MICOS13: variants seen among roughly 807,000 people sequenced by gnomAD.
MICOS13 encodes the protein mitochondrial contact site and cristae organizing system subunit 13.
In MICOS13, 15 loss-of-function variants were observed where a neutral mutation model predicts 16.1. The observed-to-expected ratio is 0.93, with a 90% CI of 0.62 to 1.44. The LOEUF (loss-of-function observed/expected upper bound fraction) is 1.44, where lower values mean the gene tolerates loss of function less well. Ranked by LOEUF, MICOS13 falls within the 40% of genes most tolerant of loss-of-function variation. The pLI is 0.00. For synonymous variants in MICOS13, 61 were observed against 62.6 expected (o/e 0.97, Z 0.12); for missense variants, 164 against 155.0 (o/e 1.06, Z -0.31).
Position 5,678,429 on chromosome 19 carries a change from G to T in MICOS13, c.*122C>A. The stretch of plus-strand genomic sequence containing the variant: ...AGCACACGGGTCAGGGAACACTTCT[G>T]AAGTCCTTTATTGGGCCGGCAAGGC... On this transcript the variant is annotated 3_prime_UTR_variant, in exon 4 of 4. Transcript: ENST00000309324. 1 of 953,012 alleles carries T rather than the reference G, an allele frequency of 1.0e-6. No individual in the cohort carries two copies. The highest frequency in any genetic ancestry group is 1.6e-6 in the Non-Finnish European group (1 of 634,954). 59.0% of individuals were successfully genotyped at this position (953,012 alleles called of 1,614,324 possible). A position where few individuals can be genotyped will look rare whatever the true frequency, so the allele number is the denominator to read the frequency against.
At chr19:5,678,694 A>G (rs2054475998) in intron 3 of MICOS13, 46 bp from the exon 4 acceptor site, 1 of 1,086,518 alleles carries the variant, frequency 9.2e-7, no homozygotes, top group East Asian at 8.9e-5. Context: ...TCCCAGCCTC[A>G]CCCAGCCTCC....
At chr19:5,678,746 GT>G in intron 3 of MICOS13, 98 bp from the exon 4 acceptor site, 4 of 628,020 alleles carry the variant, frequency 6.4e-6, no homozygotes, top group East Asian at 3.9e-5. Context: ...GCGGTGGGGG[GT>G]GGGTGGGGGG....
At chr19:5,680,402 G>A (rs771559676) in intron 1 of MICOS13, 56 bp downstream of exon 1, 3 of 1,609,826 alleles carry the variant, frequency 1.9e-6, no homozygotes, top group Non-Finnish European at 2.5e-6. Flanking sequence ...AGACAGGGAT[G>A]CCCACAAAAA....
Position 5,680,494 on chromosome 19 carries a change from C to T in MICOS13, c.-8G>A. The T allele has an allele frequency of 1.2e-6, 2 of 1,604,854 alleles. No homozygotes were observed. Among genetic ancestry groups the T allele is most frequent in the Non-Finnish European group, 1.7e-6 (2 of 1,177,902 alleles). On this transcript the variant is annotated 5_prime_UTR_variant, in exon 1 of 4. Transcript: ENST00000309324. ...CCACACCCGGGCCACCATGGTCGCTCGGATCCACGCGCAAGGACACTCGGC... is the reference window on the plus strand; with the variant it reads ...CCACACCCGGGCCACCATGGTCGCTTGGATCCACGCGCAAGGACACTCGGC...
chr19:5,678,524 CCGGGGCAGGCGGCCCCTGCTGACT>C lies in MICOS13; in HGVS notation c.*3_*26del, dbSNP rs1810894078. 6.5e-7 allele frequency: 1 copy of C among 1,536,634 alleles called. No individual in the cohort carries two copies. The highest frequency in any genetic ancestry group is 1.4e-5 in the African/African-American group (1 of 72,724). On this transcript the variant is annotated 3_prime_UTR_variant, in exon 4 of 4. Coordinates refer to ENST00000309324, the MANE Select transcript of MICOS13 (RefSeq NM_205767.3). ...TCAGTGGCAGCCCTGCCCGTTCTGG[CCGGGGCAGGCGGCCCCTGCTGACT>C]CGCTACTTGGTGCGCGCCTTCACAT...
In MICOS13 at chr19:5,679,780, G is replaced by T. The variant is rs761527837; in HGVS notation, c.30-17C>A. On this transcript the variant is annotated splice_polypyrimidine_tract_variant and intron_variant, in intron 1 of 3. Transcript: ENST00000309324. ...ATGAGGAACCTGCGGGCAGGGACGGGAGGAGCAGAAGCTCAGCGGACACTG... is the reference window on the plus strand; with the variant it reads ...ATGAGGAACCTGCGGGCAGGGACGGTAGGAGCAGAAGCTCAGCGGACACTG... 2.5e-6 allele frequency: 4 copies of T among 1,580,376 alleles called. No individual in the cohort carries two copies. Among genetic ancestry groups the T allele is most frequent in the Non-Finnish European group, 3.4e-6 (4 of 1,166,892 alleles).
At position 5,678,651 on chromosome 19, in the gene MICOS13, G is replaced by T; in HGVS notation, c.260-3C>A. ...AGCTGACATCACCGTCATGATGCCT[G>T]TGGGAAAGGGACGGCCACTGGTGAT... On this transcript the variant is annotated splice_region_variant and splice_polypyrimidine_tract_variant and intron_variant, in intron 3 of 3. Transcript: ENST00000309324. 6.6e-7 allele frequency: 1 copy of T among 1,525,524 alleles called. No individual in the cohort carries two copies. Among genetic ancestry groups the T allele is most frequent in the East Asian group, 2.6e-5 (1 of 39,186 alleles). 94.5% of individuals were successfully genotyped at this position (1,525,524 alleles called of 1,614,324 possible). A position where few individuals can be genotyped will look rare whatever the true frequency, so the allele number is the denominator to read the frequency against.
intron 1 of MICOS13, 55 bp downstream of exon 1, chr19:5,680,402 GC>G: frequency 6.2e-7 from 1 of 1,609,944 alleles, no homozygotes; most frequent in Non-Finnish European, 8.5e-7. Context: ...AGACAGGGAT[GC>G]CCACAAAAAT....
At chr19:5,679,893 C>A in intron 1 of MICOS13, 130 bp from the exon 2 acceptor site, 9 of 1,358,162 alleles carry the variant, frequency 6.6e-6, no homozygotes, top group Non-Finnish European at 8.9e-6. Context: ...TGTAGTGCAG[C>A]ACCGTCGACC....
At chr19:5,680,342 A>G in intron 1 of MICOS13, 116 bp downstream of exon 1, 1 of 1,605,914 alleles carries the variant, frequency 6.2e-7, no homozygotes, top group Non-Finnish European at 8.5e-7. Context: ...GCGGGGAACG[A>G]AGGGGAAGTG....
chr19:5,680,019 C>T (rs1351537352), intron 1 of MICOS13: 2 of 1,502,928 alleles, frequency 1.3e-6, no homozygotes, highest in Non-Finnish European at 1.8e-6. Context: ...CAAAGTCCCA[C>T]AGTGAGCAGG....
At position 5,679,638 on chromosome 19, in the gene MICOS13, A is replaced by G. The variant is rs1182981607; in HGVS notation, c.155T>C (p.Met52Thr). 1.7e-5 allele frequency: 28 copies of G among 1,610,846 alleles called. No homozygotes were observed. Among genetic ancestry groups the G allele is most frequent in the Non-Finnish European group, 2.2e-5 (26 of 1,179,260 alleles). ...ACACACGTACTGGCTGAACTGGTAC[A>G]TGGCGGGGGGGACCACCTCCCCAGC... ...QKAGEVVPPA[M>T]YQFSQYVCQQ... Residue 52 changes from methionine (M) to threonine (T), a missense_variant, in exon 2 of 4, where the codon ATG (methionine) becomes ACG (threonine). Transcript: ENST00000309324.
intron 3 of MICOS13, 153 bp from the exon 4 acceptor site, chr19:5,678,801 G>A (rs2054478316): frequency 3.3e-6 from 2 of 603,816 alleles, no homozygotes; most frequent in Non-Finnish European, 5.6e-6. Flanking sequence ...GAGTGCAGTA[G>A]TGCAATCTCG....
intron 2 of MICOS13, 62 bp from the exon 3 acceptor site, chr19:5,679,458 C>T (rs1001427927): frequency 5.0e-6 from 8 of 1,595,538 alleles, no homozygotes; most frequent in African/African-American, 4.0e-5. Flanking sequence ...TCCCCAGAGG[C>T]GGAGGGAGGA....
intron 3 of MICOS13, 57 bp downstream of exon 3, chr19:5,679,288 G>T: frequency 6.6e-7 from 1 of 1,516,868 alleles, no homozygotes; most frequent in Non-Finnish European, 9.1e-7. Context: ...GCCAGGAAGT[G>T]GGGAGAGGGG....
intron 1 of MICOS13, chr19:5,680,014 T>A: frequency 6.7e-7 from 1 of 1,498,880 alleles, no homozygotes; most frequent in Non-Finnish European, 8.8e-7. Flanking sequence ...TCACTCAAAG[T>A]CCCACAGTGA....
At position 5,678,456 on chromosome 19, in the gene MICOS13, G is replaced by C. The variant is rs370810600; in HGVS notation, c.*95C>G. The C allele has an allele frequency of 4.9e-6, 6 of 1,213,530 alleles. No homozygotes were observed. The African/African-American group carries it at 9.2e-5, about 19-fold the overall frequency. The allele number at this position is 1,213,530 out of a possible 1,614,324, so 75.2% of individuals were successfully genotyped here. On this transcript the variant is annotated 3_prime_UTR_variant, in exon 4 of 4. Transcript: ENST00000309324. ...AGTCCTTTATTGGGCCGGCAAGGCCGGGAGCTGCCCTCGGAGTGGGGTCCC... is the reference window on the plus strand; with the variant it reads ...AGTCCTTTATTGGGCCGGCAAGGCCCGGAGCTGCCCTCGGAGTGGGGTCCC...
At chr19:5,679,833 C>T in intron 1 of MICOS13, 70 bp from the exon 2 acceptor site, 2 of 1,512,506 alleles carry the variant, frequency 1.3e-6, no homozygotes, top group South Asian at 1.2e-5. Context: ...CCAAGGCCCA[C>T]GGGGAGAGTG....
chr19:5,680,489 T>G lies in MICOS13; in HGVS notation c.-3A>C, dbSNP rs2054514833. On this transcript the variant is annotated 5_prime_UTR_variant, in exon 1 of 4. Transcript: ENST00000309324. The stretch of plus-strand genomic sequence containing the variant: ...AGCGACCACACCCGGGCCACCATGG[T>G]CGCTCGGATCCACGCGCAAGGACAC... 3 of 1,605,806 alleles carry G rather than the reference T, an allele frequency of 1.9e-6. No individual in the cohort carries two copies. Among genetic ancestry groups the G allele is most frequent in the Non-Finnish European group, 2.5e-6 (3 of 1,178,156 alleles).
Sources: allele counts gnomAD v4.1 joint callset, GRCh38; gene constraint gnomAD v4.1.1; transcripts MANE v1.5; gene names NCBI Gene and HGNC (gene_info 2026-07-23, HGNC 2026-07-21).